Variants in THRB observed in about 807,000 individuals in gnomAD.
THRB encodes thyroid hormone receptor beta, also known as nuclear receptor subfamily 1 group A member 2.
Under a neutral mutation model 47.8 loss-of-function variants are expected in THRB, and 12 were observed. The observed-to-expected ratio is 0.25, with a 90% CI of 0.16 to 0.41. The LOEUF (loss-of-function observed/expected upper bound fraction) is 0.41, where lower values mean the gene tolerates loss of function less well. Ranked by LOEUF, THRB falls within the 10% of genes least tolerant of loss-of-function variation. The probability of loss-of-function intolerance (pLI) is 1.00; values close to 1 mark genes in which losing one functional copy is unlikely to be tolerated. For synonymous variants in THRB, 218 were observed against 212.2 expected, an observed-to-expected ratio of 1.03 and a Z score of -0.24; for missense variants, 348 against 589.2, an observed-to-expected ratio of 0.59 and a Z score of 4.24.
intron 4 of THRB, among the ~76,000 whole-genome samples, chr3:24,214,986 A>C (rs826250): frequency 6.6e-5 from 10 of 152,036 alleles, no homozygotes; most frequent in African/African-American, 2.4e-4. Context: ...GGAACAATGG[A>C]AACATTTGAA....
chr3:24,398,779 G>A (rs9816098), intron 1 of THRB, among the ~76,000 whole-genome samples: 10 of 152,038 alleles, frequency 6.6e-5, no homozygotes, highest in African/African-American at 1.7e-4. Context: ...ACATGCACAC[G>A]TAAGTTTATT....
At chr3:24,166,138 G>A (rs1466875937) in intron 5 of THRB, among the ~76,000 whole-genome samples, 1 of 152,168 alleles carries the variant, frequency 6.6e-6, no homozygotes, top group East Asian at 1.9e-4. Flanking sequence ...GTCTGCAAGT[G>A]AGTTTTATTC....
intron 5 of THRB, among the ~76,000 whole-genome samples, chr3:24,156,292 G>C (rs557836997): frequency 1.3e-5 from 2 of 152,322 alleles, no homozygotes; most frequent in East Asian, 1.9e-4. Flanking sequence ...AGATCAGAAG[G>C]CTGGCTAGTT....
chr3:24,460,600 G>T (rs1049674993), intron 1 of THRB, among the ~76,000 whole-genome samples: 1 of 152,190 alleles, frequency 6.6e-6, no homozygotes, highest in Admixed American at 6.5e-5. Context: ...ACTAAGTAAT[G>T]ATTGGCTATC....
chr3:24,294,733 C>G (rs1352389890), intron 3 of THRB, among the ~76,000 whole-genome samples: 1 of 152,148 alleles, frequency 6.6e-6, no homozygotes, highest in African/African-American at 2.4e-5. Context: ...CTAAATTAAA[C>G]CCACTACCTT....
At chr3:24,266,999 C>A (rs191769764) in intron 3 of THRB, among the ~76,000 whole-genome samples, 3 of 150,936 alleles carry the variant, frequency 2.0e-5, no homozygotes, top group African/African-American at 7.3e-5. Flanking sequence ...AAACATAACC[C>A]AAGAAAAATA....
At chr3:24,401,815 A>G (rs2067425258) in intron 1 of THRB, among the ~76,000 whole-genome samples, 1 of 151,982 alleles carries the variant, frequency 6.6e-6, no homozygotes, top group Non-Finnish European at 1.5e-5. Context: ...GACCTACAGA[A>G]TAAGACGCTC....
intron 1 of THRB, among the ~76,000 whole-genome samples, chr3:24,420,969 C>T (rs1401409660): frequency 2.0e-5 from 3 of 151,778 alleles, no homozygotes; most frequent in African/African-American, 7.3e-5. Flanking sequence ...CAATCATAGA[C>T]TGGAAAAAGA....
chr3:24,297,786 A>G (rs1051840151), intron 2 of THRB, among the ~76,000 whole-genome samples: 1 of 152,198 alleles, frequency 6.6e-6, no homozygotes, highest in Non-Finnish European at 1.5e-5. Context: ...TGCTCGGGTC[A>G]CACATCCCAG....
intron 1 of THRB, among the ~76,000 whole-genome samples, chr3:24,385,916 ACCATAG>A (rs2066064490): frequency 6.6e-6 from 1 of 152,158 alleles, no homozygotes; most frequent in Admixed American, 6.5e-5. Flanking sequence ...CATTTCACAG[ACCATAG>A]CCACAGTGGC....
At chr3:24,381,465 C>A (rs1402017322) in intron 1 of THRB, among the ~76,000 whole-genome samples, 3 of 152,104 alleles carry the variant, frequency 2.0e-5, no homozygotes, top group African/African-American at 7.2e-5. Flanking sequence ...GGCTCACTAC[C>A]ACCACATTGA....
chr3:24,174,913 T>C (rs118060450), intron 5 of THRB, among the ~76,000 whole-genome samples: 2 of 152,292 alleles, frequency 1.3e-5, no homozygotes, highest in South Asian at 2.1e-4. Flanking sequence ...TGCATGCAAA[T>C]ACCATATTTA....
intron 4 of THRB, among the ~76,000 whole-genome samples, chr3:24,194,807 T>G (rs2043773513): frequency 6.6e-6 from 1 of 152,232 alleles, no homozygotes; most frequent in South Asian, 2.1e-4. Context: ...TTCAAGTATT[T>G]CAGGACACAA....
At chr3:24,451,177 G>T (rs1446239984) in intron 1 of THRB, among the ~76,000 whole-genome samples, 1 of 147,504 alleles carries the variant, frequency 6.8e-6, no homozygotes, top group Non-Finnish European at 1.5e-5. Flanking sequence ...TTCAGTTGAA[G>T]ATTTTCTGAT....
chr3:24,348,055 T>C (rs1398405860), intron 1 of THRB, among the ~76,000 whole-genome samples: 2 of 152,264 alleles, frequency 1.3e-5, no homozygotes, highest in East Asian at 3.9e-4. Context: ...TATCAACTAG[T>C]ATTTTTTATG....
chr3:24,243,513 C>T (rs1032599544), intron 3 of THRB, among the ~76,000 whole-genome samples: 7 of 151,986 alleles, frequency 4.6e-5, no homozygotes, highest in Non-Finnish European at 8.8e-5. Context: ...GCCTCCAACA[C>T]CTGCTTGGGT....
chr3:24,276,967 A>G lies in THRB; in HGVS notation c.-43+20259T>C, dbSNP rs934092512. Among the ~76,000 whole-genome samples the G allele has an allele frequency of 2.6e-5, 4 of 152,354 alleles. No individual in the cohort carries two copies. In the East Asian group the frequency reaches 5.8e-4, roughly 22 times the overall value. On this transcript the variant is annotated intron_variant, in intron 3 of 10. Transcript: ENST00000646209. ...TTATATGCAAACTTCAAAATAAAAAACTACTTAAAATATTTAAGTTTCCAG... is the reference window on the plus strand; with the variant it reads ...TTATATGCAAACTTCAAAATAAAAAGCTACTTAAAATATTTAAGTTTCCAG...
intron 1 of THRB, among the ~76,000 whole-genome samples, chr3:24,390,153 GA>G (rs1232697183): frequency 6.6e-6 from 1 of 152,112 alleles, no homozygotes; most frequent in East Asian, 1.9e-4. Context: ...GAGGAAGGGG[GA>G]AAAAGGCAAT....
intron 3 of THRB, among the ~76,000 whole-genome samples, chr3:24,257,491 T>C (rs1167300028): frequency 2.0e-5 from 3 of 152,220 alleles, no homozygotes; most frequent in Non-Finnish European, 2.9e-5. Flanking sequence ...TTAGATAATT[T>C]ATATGGCTAT....
Sources: gnomAD v4.1 joint callset for allele counts (sites outside exome capture counted in the v4.1 genomes callset) on GRCh38, gnomAD v4.1.1 for gene constraint, MANE v1.5 for transcripts, NCBI Gene and HGNC (gene_info 2026-07-23, HGNC 2026-07-21) for gene names.